LMO7: variants seen among roughly 807,000 people sequenced by gnomAD.
LMO7 encodes the protein LIM domain only protein 7.
LMO7 carries 120 observed loss-of-function variants against 206.5 expected under a neutral mutation model. The ratio of observed to expected loss-of-function variants is 0.58; its 90% CI spans 0.50 to 0.68. LMO7 has a LOEUF of 0.68. Ranked by LOEUF, LMO7 falls within the 30% of genes least tolerant of loss-of-function variation. LMO7 has a pLI of 0.00. For missense variants in LMO7, 1,959 were observed against 1,957.9 expected (o/e 1.00, Z -0.01); for synonymous variants, 706 against 681.5 (o/e 1.04, Z -0.56).
intron 15 of LMO7, among the ~76,000 whole-genome samples, chr13:75,826,006 ATTCTT>A (rs1302870227): frequency 6.6e-5 from 10 of 151,558 alleles, no homozygotes; most frequent in African/African-American, 1.5e-4. Context: ...CCTTGATGTT[ATTCTT>A]TTCTTTTTCT....
At chr13:75,714,150 A>G (rs1191362955) in intron 2 of LMO7, among the ~76,000 whole-genome samples, 2 of 152,222 alleles carry the variant, frequency 1.3e-5, no homozygotes, top group Non-Finnish European at 2.9e-5. Flanking sequence ...AGTTGTTTGC[A>G]GCAAAAGGTC....
chr13:75,782,288 A>G (rs1450858864), intron 4 of LMO7, among the ~76,000 whole-genome samples: 1 of 152,198 alleles, frequency 6.6e-6, no homozygotes. Flanking sequence ...GAGAATTAGG[A>G]GTAGGTGTTT....
chr13:75,622,795 A>G (rs1263094799), intron 1 of LMO7, among the ~76,000 whole-genome samples: 2 of 152,334 alleles, frequency 1.3e-5, no homozygotes, highest in East Asian at 1.9e-4. Flanking sequence ...CAGGATACCA[A>G]CTGAAAGCAG....
chr13:75,859,411 A>G lies in LMO7; in HGVS notation c.*1468A>G, dbSNP rs568149923. On this transcript the variant is annotated 3_prime_UTR_variant, in exon 31 of 31. Coordinates refer to ENST00000377534, the MANE Select transcript of LMO7 (RefSeq NM_001306080.2). ...ATTCTGCATATAATTATTTATAAGT[A>G]TAGATTGTGAATTTTTCCATGTTCT... is the stretch of plus-strand genomic sequence containing the variant. 1.4e-4 allele frequency: 21 copies of G among 152,310 alleles called. No homozygotes were observed. In the South Asian group the frequency reaches 1.7e-3, roughly 12 times the overall value. 9.4% of individuals were successfully genotyped at this position (152,310 alleles called of 1,614,324 possible). A position where few individuals can be genotyped will look rare whatever the true frequency, so the allele number is the denominator to read the frequency against.
chr13:75,622,240 A>C (rs537364673), intron 1 of LMO7: 1 of 155,816 alleles, frequency 6.4e-6, no homozygotes, highest in East Asian at 1.9e-4. Context: ...CAAGACTGGA[A>C]ATTTTTAACT....
chr13:75,799,748 C>T (rs1356787912), intron 6 of LMO7, among the ~76,000 whole-genome samples: 2 of 152,044 alleles, frequency 1.3e-5, no homozygotes, highest in Non-Finnish European at 2.9e-5. Context: ...TTATCTTCAC[C>T]ATATTAAAAA....
intron 4 of LMO7, among the ~76,000 whole-genome samples, chr13:75,794,593 C>T (rs568734661): frequency 1.3e-5 from 2 of 152,244 alleles, no homozygotes; most frequent in African/African-American, 4.8e-5. Context: ...CAATTAGAAG[C>T]TTTCTTAATC....
intron 1 of LMO7, among the ~76,000 whole-genome samples, chr13:75,700,081 T>C (rs936509391): frequency 3.3e-5 from 5 of 152,194 alleles, no homozygotes; most frequent in Non-Finnish European, 5.9e-5. Flanking sequence ...CTGCAGGCAG[T>C]CAGGCCTTAT....
chr13:75,782,389 T>G (rs920327071), intron 4 of LMO7, among the ~76,000 whole-genome samples: 3 of 152,214 alleles, frequency 2.0e-5, no homozygotes, highest in Non-Finnish European at 4.4e-5. Context: ...ATAATAAAGG[T>G]GACTTCTGGA....
chr13:75,727,872 G>A (rs959218971), intron 3 of LMO7, among the ~76,000 whole-genome samples: 5 of 150,974 alleles, frequency 3.3e-5, no homozygotes, highest in South Asian at 2.1e-4. Flanking sequence ...GAGAACATGC[G>A]GTGTTTGGTT....
At chr13:75,849,829 G>A (rs180840760) in intron 27 of LMO7, among the ~76,000 whole-genome samples, 1 of 152,196 alleles carries the variant, frequency 6.6e-6, no homozygotes, top group African/African-American at 2.4e-5. Context: ...ATGTATCTTG[G>A]GTAAATGAAT....
chr13:75,853,290 C>A lies in LMO7; in HGVS notation c.4563C>A (p.Ser1521=), dbSNP rs141698104. 3.6e-4 allele frequency: 578 copies of A among 1,614,056 alleles called. 5 individuals carry two copies. In the African/African-American group the frequency reaches 7.2e-3, roughly 20 times the overall value. Residue 1521 remains serine, a synonymous_variant, in exon 28 of 31, where the codon TCC becomes TCA. Coordinates refer to ENST00000377534, the MANE Select transcript of LMO7 (RefSeq NM_001306080.2). ...GCGTGCCCCCACCTTCAGCTGGCTC[C>A]GTGAAGACCTCCACCACAGGTGTGG... ...SSSVPPPSAG[S]VKTSTTGVAT...
chr13:75,796,276 T>G (rs1716853612), intron 5 of LMO7, among the ~76,000 whole-genome samples: 1 of 152,210 alleles, frequency 6.6e-6, no homozygotes, highest in African/African-American at 2.4e-5. Flanking sequence ...AGCTGAGAAT[T>G]ATTGATGTTT....
chr13:75,823,195 C>G (rs2057776049), intron 14 of LMO7, among the ~76,000 whole-genome samples: 1 of 152,048 alleles, frequency 6.6e-6, no homozygotes, highest in South Asian at 2.1e-4. Context: ...TGTTGGTGAA[C>G]TTGTTTAGAG....
At position 75,857,668 on chromosome 13, in the gene LMO7, A is replaced by C. The variant is rs1030320359; in HGVS notation, c.4874-253A>C. On this transcript the variant is annotated intron_variant, in intron 30 of 30. Transcript: ENST00000377534. ...ATTGCCCATGCCTTTTCTCTCCTCC[A>C]AAACAAATAATAGAGAGTTGAGTGT... The C allele has an allele frequency of 1.2e-5, 4 of 320,358 alleles. No homozygotes were observed. In the South Asian group the frequency reaches 4.7e-4, roughly 38 times the overall value. 19.8% of individuals were successfully genotyped at this position (320,358 alleles called of 1,614,324 possible).
intron 20 of LMO7, 47 bp downstream of exon 20, chr13:75,838,243 CCCTCTCCACTCTT>C: frequency 6.5e-7 from 1 of 1,537,344 alleles, no homozygotes; most frequent in Non-Finnish European, 9.0e-7. Flanking sequence ...GAATTGTTCT[CCCTCTCCACTCTT>C]CCTCATGGTC....
intron 3 of LMO7, 88 bp from the exon 4 acceptor site, chr13:75,760,844 T>C: frequency 6.4e-7 from 1 of 1,571,436 alleles, no homozygotes; most frequent in Non-Finnish European, 8.6e-7. Flanking sequence ...AATTGGACTT[T>C]GAAGCTTCGA....
intron 1 of LMO7, among the ~76,000 whole-genome samples, chr13:75,670,947 T>C (rs1335667788): frequency 6.9e-6 from 1 of 145,892 alleles, no homozygotes; most frequent in East Asian, 1.9e-4. Flanking sequence ...TCTATACCTT[T>C]TTTTTTTAAT....
Position 75,834,193 on chromosome 13 carries a change from TC to T in LMO7, c.3065-29del, listed in dbSNP as rs780767457. ...ACTAATAGAACATGTGGGATTTTTT[TC>T]CCCAATTGGTTAATTTATTTTGCAT... On this transcript the variant is annotated intron_variant, in intron 16 of 30. Transcript: ENST00000377534. 3 of 1,532,970 alleles carry T rather than the reference TC, an allele frequency of 2.0e-6. No individual in the cohort carries two copies. In the East Asian group the frequency reaches 7.1e-5, roughly 36 times the overall value. The allele number at this position is 1,532,970 out of a possible 1,614,324, so 95.0% of individuals were successfully genotyped here.
Sources: allele counts gnomAD v4.1 joint callset (sites outside exome capture counted in the v4.1 genomes callset), GRCh38; gene constraint gnomAD v4.1.1; transcripts MANE v1.5; gene names NCBI Gene and HGNC (gene_info 2026-07-23, HGNC 2026-07-21).